The following SHISA6 variants were observed in gnomAD, a reference collection of about 807,000 sequenced individuals.
SHISA6 encodes protein shisa-6.
In SHISA6, 22 loss-of-function variants were observed where a neutral mutation model predicts 47.9. The observed-to-expected ratio is 0.46, with a 90% CI of 0.33 to 0.66. SHISA6 has a LOEUF of 0.66. Ranked by LOEUF, SHISA6 falls within the 30% of genes least tolerant of loss-of-function variation. The pLI, the probability that SHISA6 is intolerant of heterozygous loss-of-function variation, is 0.02. For synonymous variants in SHISA6, 388 were observed against 337.8 expected (o/e 1.15, Z -1.63); for missense variants, 680 against 764.6 (o/e 0.89, Z 1.30).
In SHISA6 at chr17:11,499,695, TTTTTTG is replaced by T. The variant is rs1384137220; in HGVS notation, c.896-52198_896-52193del. On this transcript the variant is annotated intron_variant, in intron 3 of 5. Coordinates refer to ENST00000441885, the MANE Select transcript of SHISA6 (RefSeq NM_207386.4). ...ATTCTTTTTCTTTCTTTTTTTTTTTTTTTTTGTTGTTGTTGTTGTTGTTTGAGACAG... is the reference window on the plus strand; with the variant it reads ...ATTCTTTTTCTTTCTTTTTTTTTTTTTTGTTGTTGTTGTTGTTTGAGACAG... 9.4e-5 allele frequency among the ~76,000 whole-genome samples: 14 copies of T among 148,362 alleles called. No individual in the cohort carries two copies. In the East Asian group the frequency reaches 2.3e-3, roughly 25 times the overall value.
rs1912497754 is a variant in SHISA6, at chr17:11,367,567, G to C, written c.800-11847G>C. ...GGTGAGGGGCCCTTTGAAACTTGTG[G>C]TTCTCAATTCTAAGAGACCCTGGGC... is the stretch of plus-strand genomic sequence containing the variant. On this transcript the variant is annotated intron_variant, in intron 2 of 5. Coordinates refer to ENST00000441885, the MANE Select transcript of SHISA6 (RefSeq NM_207386.4). Among the ~76,000 whole-genome samples, 3 of 152,190 alleles carry C rather than the reference G, an allele frequency of 2.0e-5. No individual in the cohort carries two copies. In the South Asian group the frequency reaches 6.2e-4, roughly 32 times the overall value.
intron 3 of SHISA6, among the ~76,000 whole-genome samples, chr17:11,388,885 C>T (rs923182393): frequency 1.4e-5 from 2 of 138,294 alleles, no homozygotes; most frequent in Non-Finnish European, 3.1e-5. Flanking sequence ...GTTTCTCAGT[C>T]GGGTAGTTCT....
At chr17:11,328,985 G>T (rs925909048) in intron 2 of SHISA6, among the ~76,000 whole-genome samples, 1 of 152,198 alleles carries the variant, frequency 6.6e-6, no homozygotes, top group Admixed American at 6.5e-5. Context: ...TGGTGATGAT[G>T]ATAACAATAA....
intron 2 of SHISA6, among the ~76,000 whole-genome samples, chr17:11,293,685 A>G (rs1279811070): frequency 6.6e-6 from 1 of 152,040 alleles, no homozygotes. Context: ...CACCAGCTGT[A>G]TGATCTCGAT....
chr17:11,415,470 C>T (rs552358840), intron 3 of SHISA6, among the ~76,000 whole-genome samples: 2 of 152,308 alleles, frequency 1.3e-5, no homozygotes, highest in Non-Finnish European at 2.9e-5. Context: ...AGTCTTGACT[C>T]ACTGGGCTTA....
intron 3 of SHISA6, among the ~76,000 whole-genome samples, chr17:11,381,619 G>A (rs2142246804): frequency 6.6e-6 from 1 of 152,284 alleles, no homozygotes; most frequent in East Asian, 1.9e-4. Context: ...CAAGCCATAG[G>A]TGAGCCAGAT....
intron 3 of SHISA6, among the ~76,000 whole-genome samples, chr17:11,544,472 A>C (rs1255630173): frequency 6.6e-6 from 1 of 152,200 alleles, no homozygotes; most frequent in Non-Finnish European, 1.5e-5. Context: ...ATTAGCCATA[A>C]GGGAAATGCA....
At chr17:11,480,055 G>A (rs1023972177) in intron 3 of SHISA6, among the ~76,000 whole-genome samples, 1 of 152,062 alleles carries the variant, frequency 6.6e-6, no homozygotes, top group Non-Finnish European at 1.5e-5. Flanking sequence ...TAATTTCACA[G>A]GATACAGGAT....
intron 3 of SHISA6, among the ~76,000 whole-genome samples, chr17:11,400,724 A>T (rs898796994): frequency 6.6e-6 from 1 of 152,098 alleles, no homozygotes; most frequent in African/African-American, 2.4e-5. Flanking sequence ...AGGTTGTTCC[A>T]CCTTCAGAGT....
intron 3 of SHISA6, among the ~76,000 whole-genome samples, chr17:11,398,561 G>C (rs200627351): frequency 6.6e-6 from 1 of 151,822 alleles, no homozygotes; most frequent in Non-Finnish European, 1.5e-5. Flanking sequence ...ATGAACTTCC[G>C]CATTCCGACA....
At chr17:11,356,379 A>G (rs1362220757) in intron 2 of SHISA6, among the ~76,000 whole-genome samples, 2 of 152,176 alleles carry the variant, frequency 1.3e-5, no homozygotes, top group Non-Finnish European at 2.9e-5. Flanking sequence ...TCTCACTTGC[A>G]TGAAACCAGG....
Position 11,558,625 on chromosome 17 carries a change from C to T in SHISA6, c.*321C>T. On this transcript the variant is annotated 3_prime_UTR_variant, in exon 6 of 6. Transcript: ENST00000441885. ...CCTTTCCGTCCCGCGCCTCCTTCTC[C>T]CCATCCGGGGGACTCAGCTGCAGGT... 2.5e-6 allele frequency: 1 copy of T among 392,752 alleles called. No individual in the cohort carries two copies. The highest frequency in any genetic ancestry group is 4.7e-6 in the Non-Finnish European group (1 of 213,150). The allele number at this position is 392,752 out of a possible 1,614,324, so 24.3% of individuals were successfully genotyped here.
At chr17:11,340,615 G>A (rs1309088412) in intron 2 of SHISA6, among the ~76,000 whole-genome samples, 3 of 152,188 alleles carry the variant, frequency 2.0e-5, no homozygotes, top group Non-Finnish European at 4.4e-5. Flanking sequence ...CCATGTGCTT[G>A]TACAGAGGGA....
At chr17:11,409,703 C>CAAA (rs35351476) in intron 3 of SHISA6, among the ~76,000 whole-genome samples, 84 of 82,136 alleles carry the variant, frequency 1.0e-3, no homozygotes, top group African/African-American at 3.1e-3. Flanking sequence ...GACTCCATCT[C>CAAA]AAAAAAAAAA....
intron 3 of SHISA6, among the ~76,000 whole-genome samples, chr17:11,456,688 C>A (rs1915545625): frequency 6.6e-6 from 1 of 151,802 alleles, no homozygotes; most frequent in Admixed American, 6.6e-5. Flanking sequence ...GAGCCCTTAG[C>A]CCTCACCAGG....
At chr17:11,465,790 G>A (rs909562918) in intron 3 of SHISA6, among the ~76,000 whole-genome samples, 6 of 152,130 alleles carry the variant, frequency 3.9e-5, no homozygotes, top group Non-Finnish European at 8.8e-5. Context: ...CCTTGAGAAG[G>A]ACACATGGTT....
chr17:11,432,512 T>C (rs928536865), intron 3 of SHISA6, among the ~76,000 whole-genome samples: 1 of 152,184 alleles, frequency 6.6e-6, no homozygotes, highest in African/African-American at 2.4e-5. Flanking sequence ...ATAGAGAAAA[T>C]TTGATCTGTT....
intron 2 of SHISA6, among the ~76,000 whole-genome samples, chr17:11,362,458 C>T (rs202039858): frequency 2.6e-5 from 4 of 152,198 alleles, no homozygotes; most frequent in East Asian, 1.9e-4. Context: ...TTCTTTTGAA[C>T]GTAATCTCTG....
intron 3 of SHISA6, among the ~76,000 whole-genome samples, chr17:11,388,809 TATATATATATATATATATA>T (rs1913284888): frequency 2.3e-5 from 2 of 88,186 alleles, no homozygotes; most frequent in South Asian, 4.5e-4. Flanking sequence ...TATATATATA[TATATATATATATATATATA>T]TATATATATA....
Sources: gnomAD v4.1 joint callset for allele counts (sites outside exome capture counted in the v4.1 genomes callset) on GRCh38, gnomAD v4.1.1 for gene constraint, MANE v1.5 for transcripts, NCBI Gene and HGNC (gene_info 2026-07-23, HGNC 2026-07-21) for gene names.